The following RAPGEF2 variants were observed in gnomAD, a reference collection of about 807,000 sequenced individuals.
The protein encoded by RAPGEF2 is PDZ domain containing guanine nucleotide exchange factor (GEF) 1.
In RAPGEF2, 54 loss-of-function variants were observed where a neutral mutation model predicts 186.7. The observed-to-expected ratio is 0.29, with a 90% CI of 0.23 to 0.36. RAPGEF2 has a LOEUF of 0.36. Ranked by LOEUF, RAPGEF2 falls within the 10% of genes least tolerant of loss-of-function variation. The pLI, the probability that RAPGEF2 is intolerant of heterozygous loss-of-function variation, is 1.00. For synonymous variants in RAPGEF2, 712 were observed against 705.9 expected (o/e 1.01, Z -0.14); for missense variants, 1,532 against 2,045.0 (o/e 0.75, Z 4.84).
At chr4:159,130,892 T>C (rs1303554442) in intron 1 of RAPGEF2, among the ~76,000 whole-genome samples, 3 of 152,126 alleles carry the variant, frequency 2.0e-5, no homozygotes, top group Non-Finnish European at 4.4e-5. Flanking sequence ...GTATTTTTTG[T>C]AGAGACGGGG....
chr4:159,228,752 ATG>A (rs963137940), intron 4 of RAPGEF2, among the ~76,000 whole-genome samples: 2 of 152,068 alleles, frequency 1.3e-5, no homozygotes, highest in Non-Finnish European at 2.9e-5. Context: ...TACTTGGTGT[ATG>A]TGTGTGTGTG....
intron 8 of RAPGEF2, among the ~76,000 whole-genome samples, chr4:159,305,439 T>C (rs566355423): frequency 2.6e-5 from 4 of 152,292 alleles, no homozygotes; most frequent in African/African-American, 9.6e-5. Flanking sequence ...TCAGTGATAT[T>C]AAGCATTTTT....
intron 20 of RAPGEF2, among the ~76,000 whole-genome samples, chr4:159,342,553 A>ATTTTATTTTATTTTATTTTATTTTATT (rs1554041228): frequency 4.2e-5 from 3 of 71,962 alleles, no homozygotes; most frequent in East Asian, 5.5e-4. Context: ...TTTATTTTAT[A>ATTTTATTTTATTTTATTTTATTTTATT]TTATTTTATT....
chr4:159,345,560 A>G (rs1730168490), intron 24 of RAPGEF2, among the ~76,000 whole-genome samples: 1 of 152,222 alleles, frequency 6.6e-6, no homozygotes, highest in Non-Finnish European at 1.5e-5. Context: ...GTCCACATCT[A>G]AGGCAACCCA....
At chr4:159,265,586 G>A (rs1757338710) in intron 7 of RAPGEF2, among the ~76,000 whole-genome samples, 1 of 152,180 alleles carries the variant, frequency 6.6e-6, no homozygotes, top group Admixed American at 6.5e-5. Flanking sequence ...CATGATAAGA[G>A]TTTTGGTCTT....
At chr4:159,292,255 T>C (rs1277800474) in intron 7 of RAPGEF2, among the ~76,000 whole-genome samples, 2 of 152,166 alleles carry the variant, frequency 1.3e-5, no homozygotes, top group African/African-American at 4.8e-5. Context: ...TGTCAGAGCT[T>C]GTACTGACCT....
chr4:159,159,198 C>T (rs574539520), intron 1 of RAPGEF2, among the ~76,000 whole-genome samples: 2 of 152,288 alleles, frequency 1.3e-5, no homozygotes, highest in East Asian at 1.9e-4. Context: ...CTCCCTCAGC[C>T]CCTTTCCTGG....
chr4:159,323,906 C>CTT (rs533696130), intron 11 of RAPGEF2, among the ~76,000 whole-genome samples: 1 of 130,484 alleles, frequency 7.7e-6, no homozygotes. Flanking sequence ...TTTTGGAGGG[C>CTT]TTTTTTTTTT....
At chr4:159,112,726 A>G (rs1177719046) in intron 1 of RAPGEF2, among the ~76,000 whole-genome samples, 1 of 152,230 alleles carries the variant, frequency 6.6e-6, no homozygotes, top group African/African-American at 2.4e-5. Context: ...CAATTGTTAC[A>G]GGCAGGAATC....
At chr4:159,230,286 C>A (rs1247897543) in intron 4 of RAPGEF2, among the ~76,000 whole-genome samples, 3 of 152,166 alleles carry the variant, frequency 2.0e-5, no homozygotes, top group African/African-American at 7.2e-5. Flanking sequence ...CAGGCTAACT[C>A]TCATTGATAA....
At chr4:159,135,900 T>C (rs1372124610) in intron 1 of RAPGEF2, among the ~76,000 whole-genome samples, 2 of 152,202 alleles carry the variant, frequency 1.3e-5, no homozygotes, top group African/African-American at 4.8e-5. Context: ...TGCCTGGCCT[T>C]AATTCCTTGT....
intron 1 of RAPGEF2, among the ~76,000 whole-genome samples, chr4:159,157,429 A>G (rs939449592): frequency 1.3e-5 from 2 of 152,172 alleles, no homozygotes; most frequent in Admixed American, 6.5e-5. Context: ...TATTATTGCT[A>G]ATACTCCCAA....
chr4:159,142,259 G>A (rs908073101), intron 1 of RAPGEF2, among the ~76,000 whole-genome samples: 28 of 152,208 alleles, frequency 1.8e-4, no homozygotes, highest in African/African-American at 6.5e-4. Context: ...AGAAGTTAAT[G>A]GATTTATAGC....
At chr4:159,304,204 A>T in intron 7 of RAPGEF2, 138 bp from the exon 8 acceptor site, 1 of 757,488 alleles carries the variant, frequency 1.3e-6, no homozygotes, top group Non-Finnish European at 2.0e-6. Context: ...GACAATATTT[A>T]GTAATTTGTG....
chr4:159,299,430 TA>T lies in RAPGEF2; in HGVS notation c.544-4898del, dbSNP rs56009800. 1.0e-2 allele frequency among the ~76,000 whole-genome samples: 1,400 copies of T among 140,450 alleles called. 11 individuals are homozygous for T. Among genetic ancestry groups the T allele is most frequent in the African/African-American group, 0.022 (853 of 38,362 alleles). 92.1% of individuals were successfully genotyped at this position (140,450 alleles called of 152,430 possible). Reference sequence around the variant, plus strand: ...TGGACCATGAAACTCTCTTTTACATTAAAAAAAAAAAAAAGACAGAGAGAAT... The same window carrying T: ...TGGACCATGAAACTCTCTTTTACATTAAAAAAAAAAAAAGACAGAGAGAAT... On this transcript the variant is annotated intron_variant, in intron 7 of 29. Transcript: ENST00000691494.
intron 7 of RAPGEF2, chr4:159,266,990 A>G (rs926607215): frequency 1.0e-5 from 3 of 288,400 alleles, no homozygotes; most frequent in African/African-American, 4.3e-5. Flanking sequence ...TGAATTGTCC[A>G]TTGCTACCTT....
At chr4:159,138,255 A>T (rs999142453) in intron 1 of RAPGEF2, among the ~76,000 whole-genome samples, 1 of 152,184 alleles carries the variant, frequency 6.6e-6, no homozygotes, top group African/African-American at 2.4e-5. Flanking sequence ...TGCATATAAG[A>T]TGGGTATCTA....
chr4:159,217,517 A>G (rs570605403), intron 4 of RAPGEF2, among the ~76,000 whole-genome samples: 69 of 152,318 alleles, frequency 4.5e-4, no homozygotes, highest in African/African-American at 1.6e-3. Flanking sequence ...GTAGCATTCC[A>G]TGGTGTATAT....
intron 4 of RAPGEF2, among the ~76,000 whole-genome samples, chr4:159,235,236 ATTC>A (rs1233681549): frequency 6.6e-6 from 1 of 151,942 alleles, no homozygotes; most frequent in Non-Finnish European, 1.5e-5. Flanking sequence ...ATTGTTTTTG[ATTC>A]TTTCCTTGTG....
Sources: allele counts gnomAD v4.1 joint callset (sites outside exome capture counted in the v4.1 genomes callset), GRCh38; gene constraint gnomAD v4.1.1; transcripts MANE v1.5; gene names NCBI Gene and HGNC (gene_info 2026-07-23, HGNC 2026-07-21).